Variants in PRELID2 observed in about 807,000 individuals in gnomAD.
PRELID2 encodes PRELI domain containing 2, also known as PRELI domain-containing protein 2.
A neutral mutation model predicts 28.4 loss-of-function variants in PRELID2; 25 were observed. The ratio of observed to expected loss-of-function variants is 0.88; its 90% CI spans 0.64 to 1.23. The LOEUF is 1.23. Among genes scored for constraint, PRELID2 ranks in the 50% most tolerant of loss-of-function variants. The pLI is 0.00. For missense variants in PRELID2, 201 were observed against 214.4 expected (o/e 0.94, Z 0.39); for synonymous variants, 76 against 71.6 (o/e 1.06, Z -0.31).
At chr5:145,502,333 C>A (rs1752366921) in intron 1 of PRELID2, among the ~76,000 whole-genome samples, 1 of 152,090 alleles carries the variant, frequency 6.6e-6, no homozygotes, top group Non-Finnish European at 1.5e-5. Context: ...ATTGTGCTAA[C>A]CCATTCATGA....
chr5:145,642,311 T>C (rs1754120799), intron 1 of PRELID2, among the ~76,000 whole-genome samples: 1 of 152,260 alleles, frequency 6.6e-6, no homozygotes, highest in Non-Finnish European at 1.5e-5. Context: ...AATAAATATC[T>C]TCTTTAGAGA....
chr5:145,646,046 T>C (rs188917510), intron 1 of PRELID2, among the ~76,000 whole-genome samples: 89 of 152,320 alleles, frequency 5.8e-4, no homozygotes, highest in Middle Eastern at 6.8e-3. Context: ...CTTTGTGGTC[T>C]TCTCTGTATT....
intron 1 of PRELID2, among the ~76,000 whole-genome samples, chr5:145,634,871 C>T (rs756946651): frequency 4.6e-5 from 7 of 152,130 alleles, no homozygotes; most frequent in African/African-American, 7.2e-5. Context: ...ATTTTATTTG[C>T]GTATTCAAGG....
intron 4 of PRELID2, among the ~76,000 whole-genome samples, chr5:145,810,557 C>G (rs1166271530): frequency 6.6e-6 from 1 of 152,106 alleles, no homozygotes; most frequent in Non-Finnish European, 1.5e-5. Context: ...TGAGGGAATG[C>G]AAAACTCCAA....
chr5:145,584,330 A>G (rs1382911976), intron 1 of PRELID2, among the ~76,000 whole-genome samples: 1 of 152,168 alleles, frequency 6.6e-6, no homozygotes, highest in Admixed American at 6.6e-5. Flanking sequence ...CAAAACTAGA[A>G]AGACCCTAGA....
At chr5:145,767,669 G>A (rs946172861) in intron 5 of PRELID2, among the ~76,000 whole-genome samples, 1 of 152,144 alleles carries the variant, frequency 6.6e-6, no homozygotes, top group Non-Finnish European at 1.5e-5. Flanking sequence ...GCTCACCTGT[G>A]TGCTCCCCCT....
chr5:145,566,877 G>A (rs1338937838), intron 1 of PRELID2, among the ~76,000 whole-genome samples: 2 of 149,978 alleles, frequency 1.3e-5, no homozygotes, highest in Admixed American at 1.3e-4. Context: ...AAGAGAAAGA[G>A]AAAGAAAAGG....
chr5:145,786,872 C>A (rs1752025050), intron 5 of PRELID2, among the ~76,000 whole-genome samples: 1 of 152,264 alleles, frequency 6.6e-6, no homozygotes, highest in South Asian at 2.1e-4. Context: ...CAAGCATACA[C>A]CCCAAGGAAA....
chr5:145,832,624 G>A (rs1361429272), intron 1 of PRELID2, among the ~76,000 whole-genome samples: 6 of 152,174 alleles, frequency 3.9e-5, no homozygotes. Context: ...CCTGCTAGCT[G>A]TGGGAACTTG....
intron 4 of PRELID2, among the ~76,000 whole-genome samples, chr5:145,799,721 T>C (rs1753002201): frequency 6.6e-6 from 1 of 152,144 alleles, no homozygotes; most frequent in Non-Finnish European, 1.5e-5. Flanking sequence ...GGTATGAGGC[T>C]GAAAGGATAA....
the PRELID2 span, among the ~76,000 whole-genome samples, chr5:145,270,208 T>G: frequency 5.9e-5 from 9 of 152,034 alleles, no homozygotes; most frequent in South Asian, 1.0e-3. Flanking sequence ...AGTAAACATG[T>G]ATCTACATTT....
Position 145,615,365 on chromosome 5 carries a change from G to A in PRELID2, n.71-142050C>T, listed in dbSNP as rs1252064115. 3.2e-4 allele frequency among the ~76,000 whole-genome samples: 37 copies of A among 116,770 alleles called. 2 individuals are homozygous for A. The highest frequency in any genetic ancestry group is 9.1e-3 in the Middle Eastern group (2 of 220). 76.6% of individuals were successfully genotyped at this position (116,770 alleles called of 152,430 possible). On this transcript the variant is annotated intron_variant and non_coding_transcript_variant, in intron 1 of 2. Coordinates refer to the PRELID2 transcript ENST00000510259. ...TTTTTTGAGACGGAGTCTCGCTGTC[G>A]CCCAGGCTGGAGTGCAGTGGCGCAA...
At chr5:145,552,924 T>C (rs1752849718) in intron 1 of PRELID2, among the ~76,000 whole-genome samples, 1 of 152,212 alleles carries the variant, frequency 6.6e-6, no homozygotes, top group East Asian at 1.9e-4. Flanking sequence ...TATATGTTAA[T>C]ACCTGAAATT....
chr5:145,699,156 C>T (rs965670992), intron 1 of PRELID2, among the ~76,000 whole-genome samples: 9 of 152,122 alleles, frequency 5.9e-5, no homozygotes, highest in African/African-American at 2.2e-4. Context: ...AAGATAGTAA[C>T]AGCGTACCTA....
chr5:145,566,235 A>G (rs1157358550), intron 1 of PRELID2, among the ~76,000 whole-genome samples: 1 of 152,236 alleles, frequency 6.6e-6, no homozygotes, highest in African/African-American at 2.4e-5. Flanking sequence ...TGGGATACAG[A>G]GGACTGTATA....
the PRELID2 span, among the ~76,000 whole-genome samples, chr5:145,421,857 CTT>C: frequency 6.8e-6 from 1 of 147,364 alleles, no homozygotes; most frequent in South Asian, 2.1e-4. Flanking sequence ...CCTGCTTTCT[CTT>C]GTGGGCATTT....
At chr5:145,241,220 C>A in the PRELID2 span, among the ~76,000 whole-genome samples, 1 of 151,938 alleles carries the variant, frequency 6.6e-6, no homozygotes, top group Non-Finnish European at 1.5e-5. Context: ...TGAGACTAGA[C>A]TGTAAGATAA....
rs984690845 is a variant in PRELID2, at chr5:145,760,250, T to A, written c.*286A>T. The A allele has an allele frequency of 6.6e-6, 1 of 152,262 alleles. No individual in the cohort carries two copies. The highest frequency in any genetic ancestry group is 2.1e-4 in the South Asian group (1 of 4,820). 9.4% of individuals were successfully genotyped at this position (152,262 alleles called of 1,614,324 possible). ...TGAGGAAGGGCACACATATCTTACA[T>A]GGTTCTTTTTTCCTTTATTTGTAAA... On this transcript the variant is annotated 3_prime_UTR_variant, in exon 7 of 7. Coordinates refer to ENST00000683046, the MANE Select transcript of PRELID2 (RefSeq NM_205846.3).
intron 1 of PRELID2, among the ~76,000 whole-genome samples, chr5:145,698,187 T>C (rs1008346197): frequency 5.9e-5 from 9 of 152,172 alleles, no homozygotes; most frequent in African/African-American, 1.9e-4. Context: ...TATTTATTCA[T>C]TCGGAAAATT....
Sources: gnomAD v4.1 joint callset for allele counts (sites outside exome capture counted in the v4.1 genomes callset) on GRCh38, gnomAD v4.1.1 for gene constraint, MANE v1.5 for transcripts, NCBI Gene and HGNC (gene_info 2026-07-23, HGNC 2026-07-21) for gene names.